GALNT17: variants seen among roughly 807,000 people sequenced by gnomAD.
The protein encoded by GALNT17 is polypeptide N-acetylgalactosaminyltransferase 17.
GALNT17 carries 29 observed loss-of-function variants against 63.7 expected under a neutral mutation model. That is an observed-to-expected ratio of 0.46 (90% confidence interval 0.34 to 0.62). The LOEUF is 0.62. GALNT17 is among the 20% of genes least tolerant of loss of function. The pLI, the probability that GALNT17 is intolerant of heterozygous loss-of-function variation, is 0.01. For synonymous variants in GALNT17, 305 were observed against 318.3 expected, an observed-to-expected ratio of 0.96 and a Z score of 0.45; for missense variants, 603 against 799.6, an observed-to-expected ratio of 0.75 and a Z score of 2.97.
At chr7:71,507,309 T>C (rs1260075285) in intron 5 of GALNT17, among the ~76,000 whole-genome samples, 1 of 151,982 alleles carries the variant, frequency 6.6e-6, no homozygotes, top group African/African-American at 2.4e-5. Context: ...GCCTTCAGCC[T>C]GCTTCATCCC....
chr7:71,595,873 T>C (rs1443894019), intron 6 of GALNT17, among the ~76,000 whole-genome samples: 1 of 152,100 alleles, frequency 6.6e-6, no homozygotes, highest in East Asian at 1.9e-4. Context: ...TTTATACTAA[T>C]GTAGTTGTCT....
chr7:71,630,953 T>G (rs953633563), intron 6 of GALNT17, among the ~76,000 whole-genome samples: 2 of 152,238 alleles, frequency 1.3e-5, no homozygotes, highest in Non-Finnish European at 2.9e-5. Context: ...AATTCGTTTA[T>G]TCATTCAGTT....
At chr7:71,148,874 A>ATATATG in intron 1 of GALNT17, among the ~76,000 whole-genome samples, 1 of 141,966 alleles carries the variant, frequency 7.0e-6, no homozygotes, top group South Asian at 2.2e-4. Flanking sequence ...ATATATATAT[A>ATATATG]TATATATATA....
At chr7:71,558,166 C>G (rs1382661370) in intron 5 of GALNT17, among the ~76,000 whole-genome samples, 2 of 152,138 alleles carry the variant, frequency 1.3e-5, no homozygotes, top group Non-Finnish European at 2.9e-5. Context: ...TCTTCTAGCA[C>G]AGAGGTTGGT....
In GALNT17 at chr7:71,531,613, A is replaced by G. The variant is rs143476241; in HGVS notation, c.963-39672A>G. ...TCTCACAAACTTTTAGGATGAGATT[A>G]TATTTTTGAGACAGGGTCTCACTGT... On this transcript the variant is annotated intron_variant, in intron 5 of 10. Coordinates refer to ENST00000333538, the MANE Select transcript of GALNT17 (RefSeq NM_022479.3). Among the ~76,000 whole-genome samples the G allele has an allele frequency of 6.1e-3, 931 of 152,280 alleles. 12 individuals carry two copies. Among genetic ancestry groups the G allele is most frequent in the African/African-American group, 0.021 (891 of 41,550 alleles).
At chr7:71,650,394 C>A (rs1790737411) in intron 6 of GALNT17, among the ~76,000 whole-genome samples, 1 of 152,178 alleles carries the variant, frequency 6.6e-6, no homozygotes, top group Admixed American at 6.6e-5. Flanking sequence ...GGACTACAGG[C>A]ATGCAACACC....
chr7:71,572,504 TAAAAAA>T lies in GALNT17; in HGVS notation c.1080+1123_1080+1128del, dbSNP rs371372359. Among the ~76,000 whole-genome samples the T allele has an allele frequency of 2.2e-3, 98 of 44,492 alleles. 3 individuals carry two copies. The South Asian group carries it at 0.066, about 30-fold the overall frequency. 29.2% of individuals were successfully genotyped at this position (44,492 alleles called of 152,430 possible). ...GCAACAGAGCAAGACCCTGTCTCAT[TAAAAAA>T]AAAAAAAAAAAAAAAAAAAACTACA... On this transcript the variant is annotated intron_variant, in intron 6 of 10. Coordinates refer to ENST00000333538, the MANE Select transcript of GALNT17 (RefSeq NM_022479.3).
intron 2 of GALNT17, among the ~76,000 whole-genome samples, chr7:71,359,827 A>C (rs912446522): frequency 1.3e-5 from 2 of 152,062 alleles, no homozygotes; most frequent in African/African-American, 4.8e-5. Context: ...CAGGTGATCC[A>C]CCTGCCTGAA....
At chr7:71,454,739 A>G (rs1787324786) in intron 5 of GALNT17, among the ~76,000 whole-genome samples, 1 of 152,188 alleles carries the variant, frequency 6.6e-6, no homozygotes, top group Non-Finnish European at 1.5e-5. Context: ...TGCATGTACA[A>G]AAATGGCAGT....
intron 1 of GALNT17, among the ~76,000 whole-genome samples, chr7:71,220,034 T>G (rs1789555127): frequency 6.6e-6 from 1 of 152,190 alleles, no homozygotes. Context: ...TTCATTCCAG[T>G]GAATAGTTTG....
chr7:71,477,021 A>G (rs900006157), intron 5 of GALNT17, among the ~76,000 whole-genome samples: 8 of 152,152 alleles, frequency 5.3e-5, no homozygotes, highest in Admixed American at 3.9e-4. Flanking sequence ...CTCCTCTGCA[A>G]TGGGTGTTGG....
chr7:71,635,851 G>A (rs1447497717), intron 6 of GALNT17, among the ~76,000 whole-genome samples: 1 of 152,190 alleles, frequency 6.6e-6, no homozygotes, highest in Non-Finnish European at 1.5e-5. Context: ...CATGGCGCTG[G>A]TGGGAGTGTA....
At chr7:71,206,650 G>A (rs552838128) in intron 1 of GALNT17, among the ~76,000 whole-genome samples, 2 of 152,210 alleles carry the variant, frequency 1.3e-5, no homozygotes, top group East Asian at 3.9e-4. Flanking sequence ...AAGTTTTATT[G>A]TCAGGGCGAC....
At chr7:71,312,476 A>G (rs942201436) in intron 1 of GALNT17, among the ~76,000 whole-genome samples, 3 of 152,232 alleles carry the variant, frequency 2.0e-5, no homozygotes, top group African/African-American at 7.2e-5. Context: ...ATTGTGGATT[A>G]GTGTATTCTG....
chr7:71,195,984 C>T (rs532578656), intron 1 of GALNT17, among the ~76,000 whole-genome samples: 5 of 152,252 alleles, frequency 3.3e-5, no homozygotes, highest in Admixed American at 6.5e-5. Flanking sequence ...AAACTCTTCT[C>T]ATGTGTTGTC....
At chr7:71,213,736 C>T (rs906723862) in intron 1 of GALNT17, among the ~76,000 whole-genome samples, 1 of 152,204 alleles carries the variant, frequency 6.6e-6, no homozygotes, top group African/African-American at 2.4e-5. Flanking sequence ...GGATCATCTT[C>T]TGTCATCCTA....
intron 1 of GALNT17, among the ~76,000 whole-genome samples, chr7:71,312,129 A>G (rs912166607): frequency 1.3e-5 from 2 of 152,214 alleles, no homozygotes; most frequent in African/African-American, 4.8e-5. Flanking sequence ...CATGGTATTA[A>G]AAAGTGGTTA....
At chr7:71,256,184 A>G (rs1217526498) in intron 1 of GALNT17, among the ~76,000 whole-genome samples, 1 of 152,174 alleles carries the variant, frequency 6.6e-6, no homozygotes, top group Non-Finnish European at 1.5e-5. Context: ...GTGACCCGCA[A>G]GCCCCCGCTT....
intron 6 of GALNT17, among the ~76,000 whole-genome samples, chr7:71,628,500 A>G (rs912487020): frequency 1.3e-5 from 2 of 151,842 alleles, no homozygotes; most frequent in Non-Finnish European, 1.5e-5. Context: ...TTTTTGTATT[A>G]TTAGTAGAGA....
Sources: gnomAD v4.1 joint callset for allele counts (sites outside exome capture counted in the v4.1 genomes callset) on GRCh38, gnomAD v4.1.1 for gene constraint, MANE v1.5 for transcripts, NCBI Gene and HGNC (gene_info 2026-07-23, HGNC 2026-07-21) for gene names.